The following REELD1 variants were observed in gnomAD, a reference collection of about 807,000 sequenced individuals.
The protein encoded by REELD1 is reelin domain-containing protein 1.
REELD1 carries 12 observed loss-of-function variants against 6.3 expected under a neutral mutation model. That is an observed-to-expected ratio of 1.89 (90% CI 1.21 to 3.07). REELD1 has a LOEUF of 3.07. Ranked by LOEUF, REELD1 falls within the 30% of genes most tolerant of loss-of-function variation. The probability of loss-of-function intolerance (pLI) is 0.00; values close to 1 mark genes in which losing one functional copy is unlikely to be tolerated. For synonymous variants in REELD1, 57 were observed against 33.6 expected (o/e 1.70, Z -2.42); for missense variants, 163 against 86.8 (o/e 1.88, Z -3.49).
chr4:146,229,625 AT>A (rs1469795762), intron 7 of REELD1, among the ~76,000 whole-genome samples: 1 of 152,100 alleles, frequency 6.6e-6, no homozygotes. Context: ...ACCCATTGAT[AT>A]TTTGGTTTGG....
chr4:146,228,784 T>G (rs938912685), intron 6 of REELD1, among the ~76,000 whole-genome samples: 15 of 152,086 alleles, frequency 9.9e-5, no homozygotes, highest in Non-Finnish European at 2.1e-4. Flanking sequence ...TTAAATATAT[T>G]TATAATAACA....
intron 2 of REELD1, among the ~76,000 whole-genome samples, chr4:146,215,449 T>G (rs1730807085): frequency 6.6e-6 from 1 of 152,182 alleles, no homozygotes; most frequent in African/African-American, 2.4e-5. Flanking sequence ...TCTAAGAAAT[T>G]TGAGGTATAG....
At chr4:146,216,799 A>G (rs16998674) in intron 2 of REELD1, 143 bp from the exon 3 acceptor site, 128,645 of 396,532 alleles carry the variant, frequency 0.32, 21,798 homozygotes, top group African/African-American at 0.46. Flanking sequence ...TTGGCCTTGA[A>G]CATTAGCAAT....
At chr4:146,216,825 T>TA in intron 2 of REELD1, 117 bp from the exon 3 acceptor site, 1 of 397,556 alleles carries the variant, frequency 2.5e-6, no homozygotes, top group East Asian at 3.6e-5. Context: ...GAGGCTGCAC[T>TA]AAAAGCATCT....
chr4:146,227,793 A>G lies in REELD1; in HGVS notation c.596-417A>G, dbSNP rs897814542. On this transcript the variant is annotated intron_variant, in intron 5 of 7. Transcript: ENST00000623665. ...AGCAGATGTTCAAGTCATTATCACC[A>G]GAGAAAGAAACTTTGAGTGTTAATA... Among the ~76,000 whole-genome samples, 4 of 152,218 alleles carry G rather than the reference A, an allele frequency of 2.6e-5. No individual in the cohort carries two copies. In the South Asian group the frequency reaches 8.3e-4, roughly 32 times the overall value.
Position 146,222,571 on chromosome 4 carries a change from T to C in REELD1, c.423T>C (p.Ile141=). ...CCCCAGCCCAGCCTGTGGGGGACAT[T>C]AAGTTCCTGTAAGAGAGTGAAGTGC... The part of the protein sequence containing the change: ...WKAPAQPVGD[I]KFLLSVVQSY... Residue 141 remains isoleucine, a synonymous_variant, in exon 4 of 8, where the codon ATT becomes ATC. Transcript: ENST00000623665. 2 of 398,640 alleles carry C rather than the reference T, an allele frequency of 5.0e-6. No individual in the cohort carries two copies. The highest frequency in any genetic ancestry group is 8.8e-6 in the Non-Finnish European group (2 of 226,084). The allele number at this position is 398,640 out of a possible 1,614,324, so 24.7% of individuals were successfully genotyped here. A position where few individuals can be genotyped will look rare whatever the true frequency, so the allele number is the denominator to read the frequency against.
intron 4 of REELD1, among the ~76,000 whole-genome samples, chr4:146,223,453 G>A (rs774220827): frequency 5.9e-5 from 9 of 152,226 alleles, no homozygotes; most frequent in Non-Finnish European, 1.0e-4. Flanking sequence ...CCCAGGGCCC[G>A]CTTACCTGTG....
intron 5 of REELD1, among the ~76,000 whole-genome samples, chr4:146,227,644 ACTTG>A (rs1359925996): frequency 6.6e-6 from 1 of 152,194 alleles, no homozygotes; most frequent in Non-Finnish European, 1.5e-5. Flanking sequence ...TAAAACCTGC[ACTTG>A]CTTGCTTGCT....
In REELD1 at chr4:146,230,341, G is replaced by T. The variant is rs891128851; in HGVS notation, c.1409G>T (p.Cys470Phe). The T allele has an allele frequency of 1.0e-5, 4 of 398,736 alleles. No homozygotes were observed. The highest frequency in any genetic ancestry group is 1.3e-5 in the Non-Finnish European group (3 of 226,238). 24.7% of individuals were successfully genotyped at this position (398,736 alleles called of 1,614,324 possible). Residue 470 changes from cysteine (C) to phenylalanine (F), a missense_variant, in exon 8 of 8, where the codon TGC becomes TTC. Physicochemically the swap from Cys to Phe is radical, Grantham distance 205. Coordinates refer to ENST00000623665, the MANE Select transcript of REELD1 (RefSeq NM_001354631.1). ...AGLRYLHTQY[C>F]HQQTEVSFSE... ...CTTCGCTACCTGCACACCCAGTATT[G>T]CCACCAGCAGACAGAAGTGTCTTTC...
intron 5 of REELD1, among the ~76,000 whole-genome samples, chr4:146,224,813 C>T (rs1730991726): frequency 2.6e-5 from 4 of 152,162 alleles, no homozygotes; most frequent in Admixed American, 6.5e-5. Flanking sequence ...TTGTTTGTTG[C>T]AGCAAACACA....
At chr4:146,229,848 T>C in intron 7 of REELD1, 57 bp from the exon 8 acceptor site, 1 of 398,320 alleles carries the variant, frequency 2.5e-6, no homozygotes, top group South Asian at 1.3e-4. Context: ...CAAAGTTCAG[T>C]GGCAGCTTAG....
At chr4:146,226,075 C>G in intron 5 of REELD1, among the ~76,000 whole-genome samples, 1 of 152,068 alleles carries the variant, frequency 6.6e-6, no homozygotes, top group East Asian at 1.9e-4. Context: ...CTTATTTCAT[C>G]TAATAAAGTG....
chr4:146,220,296 G>A (rs545000352), intron 3 of REELD1, among the ~76,000 whole-genome samples: 2 of 152,106 alleles, frequency 1.3e-5, no homozygotes, highest in African/African-American at 2.4e-5. Context: ...TCTAGAGGTC[G>A]CATGATTGAT....
Position 146,230,501 on chromosome 4 carries a change from A to G in REELD1, c.1569A>G (p.Lys523=), listed in dbSNP as rs899473637. 2 of 398,690 alleles carry G rather than the reference A, an allele frequency of 5.0e-6. No individual in the cohort carries two copies. The highest frequency in any genetic ancestry group is 8.8e-5 in the Admixed American group (2 of 22,742). The allele number at this position is 398,690 out of a possible 1,614,324, so 24.7% of individuals were successfully genotyped here. Residue 523 remains lysine (K), a synonymous_variant, in exon 8 of 8, where the codon AAA becomes AAG. Coordinates refer to ENST00000623665, the MANE Select transcript of REELD1 (RefSeq NM_001354631.1). ...TCACTCCTTCTGTGGGTAGCAAGAAAACAGTCCTCTGAGAAGACTGTCACC... is the reference window on the plus strand; with the variant it reads ...TCACTCCTTCTGTGGGTAGCAAGAAGACAGTCCTCTGAGAAGACTGTCACC... The part of the protein sequence containing the change: ...NWITPSVGSK[K]TVL
intron 4 of REELD1, among the ~76,000 whole-genome samples, chr4:146,222,980 G>T (rs948583958): frequency 6.6e-6 from 1 of 152,104 alleles, no homozygotes; most frequent in Non-Finnish European, 1.5e-5. Context: ...GCTTCTTGAG[G>T]CTCTGTGCCT....
At chr4:146,220,609 G>A (rs1005020082) in intron 3 of REELD1, among the ~76,000 whole-genome samples, 4 of 152,132 alleles carry the variant, frequency 2.6e-5, no homozygotes, top group African/African-American at 7.2e-5. Flanking sequence ...CTTTGACATC[G>A]CACAGTTTCA....
chr4:146,223,591 AC>A (rs1560725158), intron 4 of REELD1, among the ~76,000 whole-genome samples: 1 of 152,220 alleles, frequency 6.6e-6, no homozygotes, highest in Admixed American at 6.5e-5. Context: ...TTTTGGATGT[AC>A]CATCATAGTT....
In REELD1 at chr4:146,215,087, T is replaced by G. The variant is rs554531505; in HGVS notation, c.-123T>G. 6.6e-6 allele frequency: 1 copy of G among 152,434 alleles called. No homozygotes were observed. Among genetic ancestry groups the G allele is most frequent in the African/African-American group, 2.4e-5 (1 of 41,556 alleles). The allele number at this position is 152,434 out of a possible 1,614,324, so 9.4% of individuals were successfully genotyped here. A position where few individuals can be genotyped will look rare whatever the true frequency, so the allele number is the denominator to read the frequency against. On this transcript the variant is annotated 5_prime_UTR_variant, in exon 2 of 8. Transcript: ENST00000623665. Reference sequence around the variant, plus strand: ...TCTTTTCTTTTAAGAGACAGGGTCTTGCTCTGTACCCAGGCTGGAGTGTAG... The same window carrying G: ...TCTTTTCTTTTAAGAGACAGGGTCTGGCTCTGTACCCAGGCTGGAGTGTAG...
intron 3 of REELD1, among the ~76,000 whole-genome samples, chr4:146,220,005 G>A (rs1312153180): frequency 2.6e-5 from 4 of 152,078 alleles, no homozygotes; most frequent in Admixed American, 1.3e-4. Flanking sequence ...GCGCAGTGGC[G>A]CAATCTTGGC....
Sources: gnomAD v4.1 joint callset for allele counts (sites outside exome capture counted in the v4.1 genomes callset) on GRCh38, gnomAD v4.1.1 for gene constraint, MANE v1.5 for transcripts, NCBI Gene and HGNC (gene_info 2026-07-23, HGNC 2026-07-21) for gene names.